The following PRKCB variants were observed in gnomAD, a reference collection of about 807,000 sequenced individuals.
PRKCB encodes the protein protein kinase C beta, also known as protein kinase C beta type.
A neutral mutation model predicts 81.5 loss-of-function variants in PRKCB; 13 were observed. The observed-to-expected ratio is 0.16, with a 90% CI of 0.10 to 0.25. PRKCB has a LOEUF of 0.25. Among genes scored for constraint, PRKCB ranks in the 10% least tolerant of loss-of-function variants. PRKCB has a pLI of 1.00. For missense variants in PRKCB, 509 were observed against 875.7 expected, an observed-to-expected ratio of 0.58 and a Z score of 5.29; for synonymous variants, 335 against 321.4, an observed-to-expected ratio of 1.04 and a Z score of -0.45.
At chr16:24,127,195 G>A (rs1456791730) in intron 9 of PRKCB, among the ~76,000 whole-genome samples, 1 of 149,186 alleles carries the variant, frequency 6.7e-6, no homozygotes, top group Admixed American at 6.7e-5. Flanking sequence ...TAGTAGAGAC[G>A]GGGTTTCTCC....
At chr16:24,156,389 C>T (rs1330872294) in intron 10 of PRKCB, among the ~76,000 whole-genome samples, 1 of 152,078 alleles carries the variant, frequency 6.6e-6, no homozygotes, top group African/African-American at 2.4e-5. Flanking sequence ...ATCTTCCCAC[C>T]TCAACCTCCC....
At position 24,219,702 on chromosome 16, in the gene PRKCB, A is replaced by G; in HGVS notation, c.*4886A>G. The G allele has an allele frequency of 1.6e-6, 2 of 1,265,022 alleles. No individual in the cohort carries two copies. The highest frequency in any genetic ancestry group is 1.6e-5 in the African/African-American group (1 of 61,028). 78.4% of individuals were successfully genotyped at this position (1,265,022 alleles called of 1,614,324 possible). On this transcript the variant is annotated 3_prime_UTR_variant, in exon 17 of 17. Transcript: ENST00000643927. The stretch of plus-strand genomic sequence containing the variant: ...CACACACACACACACACACACACAC[A>G]CCACTTTATGGCAATTCTTAACTGA...
At chr16:23,847,028 C>CAG (rs769684906) in intron 2 of PRKCB, among the ~76,000 whole-genome samples, 43 of 152,112 alleles carry the variant, frequency 2.8e-4, no homozygotes, top group Admixed American at 7.2e-4. Context: ...AAACCCAGAC[C>CAG]AGAGAGCTCT....
At chr16:24,154,939 A>ACAGAGATACCTGCACCCTTCC in intron 10 of PRKCB, 82 bp downstream of exon 10, 2 of 1,460,774 alleles carry the variant, frequency 1.4e-6, no homozygotes, top group Non-Finnish European at 1.9e-6. Flanking sequence ...AGCACCCAGC[A>ACAGAGATACCTGCACCCTTCC]CAGAGATACC....
Position 23,998,023 on chromosome 16 carries a change from A to G in PRKCB, c.288+9433A>G, listed in dbSNP as rs867023127. ...TTTTCAAGAAATTATCATTTGAATC[A>G]GTAGACTGAGTAGAAAAATTGCCTT... On this transcript the variant is annotated intron_variant, in intron 3 of 16. Coordinates refer to ENST00000643927, the MANE Select transcript of PRKCB (RefSeq NM_002738.7). Among the ~76,000 whole-genome samples the G allele has an allele frequency of 3.3e-5, 5 of 152,338 alleles. 1 individual carries two copies. In the South Asian group the frequency reaches 1.0e-3, roughly 32 times the overall value.
At chr16:24,030,307 G>A (rs1037108496) in intron 3 of PRKCB, among the ~76,000 whole-genome samples, 2 of 152,218 alleles carry the variant, frequency 1.3e-5, no homozygotes, top group Admixed American at 1.3e-4. Flanking sequence ...CAGAGCCAAA[G>A]GCTTACAAAG....
intron 3 of PRKCB, among the ~76,000 whole-genome samples, chr16:24,019,180 T>C (rs1965326848): frequency 6.6e-6 from 1 of 151,656 alleles, no homozygotes; most frequent in African/African-American, 2.4e-5. Flanking sequence ...TTTCTTTTTT[T>C]TTTTTTGGTG....
intron 3 of PRKCB, among the ~76,000 whole-genome samples, chr16:24,028,098 C>CT (rs906920816): frequency 4.0e-5 from 6 of 151,524 alleles, no homozygotes; most frequent in African/African-American, 7.3e-5. Flanking sequence ...TTTCTTTTTT[C>CT]TTTTTTTTGA....
At chr16:24,062,427 A>G (rs551327723) in intron 5 of PRKCB, among the ~76,000 whole-genome samples, 3 of 152,364 alleles carry the variant, frequency 2.0e-5, no homozygotes, top group South Asian at 2.1e-4. Flanking sequence ...TTCTGTTTGC[A>G]TCGCATTGGC....
chr16:24,072,699 A>G (rs920662860), intron 5 of PRKCB, among the ~76,000 whole-genome samples: 9 of 152,040 alleles, frequency 5.9e-5, no homozygotes, highest in African/African-American at 9.7e-5. Flanking sequence ...CTCCTGCCTC[A>G]GCCTCCCAAG....
At chr16:24,153,649 T>C (rs1252854551) in intron 9 of PRKCB, among the ~76,000 whole-genome samples, 2 of 152,024 alleles carry the variant, frequency 1.3e-5, no homozygotes, top group Non-Finnish European at 2.9e-5. Flanking sequence ...ATTCCCCCGG[T>C]TGGGAGAGTG....
intron 4 of PRKCB, 26 bp from the exon 5 acceptor site, chr16:24,035,393 C>T (rs984935534): frequency 6.2e-7 from 1 of 1,610,618 alleles, no homozygotes; most frequent in Non-Finnish European, 8.5e-7. Context: ...CAGCCTAAGC[C>T]ACATCCCCTC....
At chr16:24,020,021 A>G (rs374788458) in intron 3 of PRKCB, among the ~76,000 whole-genome samples, 1 of 152,210 alleles carries the variant, frequency 6.6e-6, no homozygotes, top group Non-Finnish European at 1.5e-5. Context: ...TGAAAGGTGA[A>G]AAGAATTTGT....
chr16:23,990,659 C>A (rs184551090), intron 3 of PRKCB, among the ~76,000 whole-genome samples: 1 of 151,962 alleles, frequency 6.6e-6, no homozygotes, highest in African/African-American at 2.4e-5. Flanking sequence ...GCAACCCCCC[C>A]ACCTCAGCCG....
chr16:24,024,086 G>GTCAT (rs1567348365), intron 3 of PRKCB, among the ~76,000 whole-genome samples: 2 of 152,214 alleles, frequency 1.3e-5, no homozygotes, highest in East Asian at 3.8e-4. Context: ...CATCCCTGGG[G>GTCAT]TCATGTAGTC....
intron 2 of PRKCB, among the ~76,000 whole-genome samples, chr16:23,862,870 G>C (rs1316440764): frequency 6.6e-6 from 1 of 152,020 alleles, no homozygotes; most frequent in Non-Finnish European, 1.5e-5. Context: ...ACAGTTAAGG[G>C]AACAGATTGA....
At chr16:24,173,597 T>C (rs982921898) in intron 11 of PRKCB, among the ~76,000 whole-genome samples, 9 of 152,234 alleles carry the variant, frequency 5.9e-5, no homozygotes, top group Non-Finnish European at 1.0e-4. Flanking sequence ...TAACATCTAA[T>C]TGACCACAGG....
chr16:23,928,864 G>T (rs935005417), intron 2 of PRKCB, among the ~76,000 whole-genome samples: 1 of 151,774 alleles, frequency 6.6e-6, no homozygotes, highest in Non-Finnish European at 1.5e-5. Context: ...GATTACAGGC[G>T]CCCACAACCA....
intron 11 of PRKCB, among the ~76,000 whole-genome samples, chr16:24,173,468 C>A (rs1436901154): frequency 6.6e-6 from 1 of 152,182 alleles, no homozygotes; most frequent in African/African-American, 2.4e-5. Flanking sequence ...CCTCTCCTCC[C>A]ACCTGGACAG....
Sources: allele counts gnomAD v4.1 joint callset (sites outside exome capture counted in the v4.1 genomes callset), GRCh38; gene constraint gnomAD v4.1.1; transcripts MANE v1.5; gene names NCBI Gene and HGNC (gene_info 2026-07-23, HGNC 2026-07-21).